The following ARHGAP15 variants were observed in gnomAD, a reference collection of about 807,000 sequenced individuals.
ARHGAP15 encodes Rho GTPase activating protein 15.
ARHGAP15 carries 51 observed loss-of-function variants against 63.7 expected under a neutral mutation model. That is an observed-to-expected ratio of 0.80 (90% confidence interval 0.64 to 1.01). The LOEUF (loss-of-function observed/expected upper bound fraction) is 1.01. Among genes scored for constraint, ARHGAP15 ranks in the 50% least tolerant of loss-of-function variants. The pLI, the probability that ARHGAP15 is intolerant of heterozygous loss-of-function variation, is 0.00. For missense variants in ARHGAP15, 560 were observed against 564.6 expected, an observed-to-expected ratio of 0.99 and a Z score of 0.08; for synonymous variants, 191 against 193.8, an observed-to-expected ratio of 0.99 and a Z score of 0.12.
At chr2:143,321,843 C>A (rs1247356363) in intron 6 of ARHGAP15, among the ~76,000 whole-genome samples, 2 of 152,174 alleles carry the variant, frequency 1.3e-5, no homozygotes, top group African/African-American at 4.8e-5. Context: ...CCACCGGGTA[C>A]ACACCCTGCT....
chr2:143,323,059 G>C (rs1684094828), intron 6 of ARHGAP15, among the ~76,000 whole-genome samples: 1 of 152,112 alleles, frequency 6.6e-6, no homozygotes, highest in Non-Finnish European at 1.5e-5. Context: ...GTTTGCCTAG[G>C]ACTCTCTTGG....
chr2:143,720,513 C>G (rs192749551), intron 13 of ARHGAP15, among the ~76,000 whole-genome samples: 5 of 152,168 alleles, frequency 3.3e-5, no homozygotes, highest in African/African-American at 7.2e-5. Flanking sequence ...AAAAGACTGC[C>G]CTCTATCGAC....
chr2:143,676,655 A>G (rs1682839876), intron 12 of ARHGAP15: 1 of 152,218 alleles, frequency 6.6e-6, no homozygotes. Flanking sequence ...TAAGTTTGCT[A>G]TCTCATATGG....
intron 6 of ARHGAP15, among the ~76,000 whole-genome samples, chr2:143,374,773 G>T (rs1479345023): frequency 6.6e-6 from 1 of 152,166 alleles, no homozygotes; most frequent in Non-Finnish European, 1.5e-5. Context: ...AAAGTTCTGG[G>T]ATTACAGGCA....
chr2:143,176,713 T>A (rs1016320103), intron 2 of ARHGAP15, among the ~76,000 whole-genome samples: 6 of 152,224 alleles, frequency 3.9e-5, no homozygotes, highest in African/African-American at 1.4e-4. Context: ...CATCCCCAAC[T>A]GTGTATTTAA....
chr2:143,383,187 A>C (rs1687129863), intron 6 of ARHGAP15, among the ~76,000 whole-genome samples: 1 of 152,204 alleles, frequency 6.6e-6, no homozygotes, highest in Non-Finnish European at 1.5e-5. Context: ...AAAACACATT[A>C]GAAATGACAT....
At chr2:143,222,066 T>C (rs1376530405) in intron 4 of ARHGAP15, among the ~76,000 whole-genome samples, 1 of 152,238 alleles carries the variant, frequency 6.6e-6, no homozygotes, top group Non-Finnish European at 1.5e-5. Context: ...CTTTCTTCAT[T>C]TTCTTGCAAT....
intron 13 of ARHGAP15, among the ~76,000 whole-genome samples, chr2:143,744,202 G>A (rs1261562691): frequency 6.6e-6 from 1 of 152,204 alleles, no homozygotes; most frequent in Admixed American, 6.5e-5. Context: ...TCAACACATG[G>A]GTGGCAAGGA....
chr2:143,190,039 T>C (rs2105088355), intron 2 of ARHGAP15, among the ~76,000 whole-genome samples: 1 of 152,294 alleles, frequency 6.6e-6, no homozygotes, highest in African/African-American at 2.4e-5. Context: ...TCTTATTTCA[T>C]TTCACAATTT....
rs1362315937 is a variant in ARHGAP15, at chr2:143,673,756, G to GTATA, written c.1139-29662_1139-29661insATAT. Among the ~76,000 whole-genome samples, 26 of 30,974 alleles carry GTATA rather than the reference G, an allele frequency of 8.4e-4. 1 individual carries two copies. The highest frequency in any genetic ancestry group is 3.0e-3 in the Admixed American group (5 of 1,686). 20.3% of individuals were successfully genotyped at this position (30,974 alleles called of 152,430 possible). A position where few individuals can be genotyped will look rare whatever the true frequency, so the allele number is the denominator to read the frequency against. The stretch of plus-strand genomic sequence containing the variant: ...TGTGTGTGTGTGTGTGTGTGTGTGT[G>GTATA]TGTATATATATATATATATATATAT... On this transcript the variant is annotated intron_variant, in intron 12 of 13. Transcript: ENST00000295095.
At chr2:143,723,945 C>A (rs1465509767) in intron 13 of ARHGAP15, among the ~76,000 whole-genome samples, 1 of 152,108 alleles carries the variant, frequency 6.6e-6, no homozygotes, top group Non-Finnish European at 1.5e-5. Context: ...GGCTCCAGCC[C>A]CAGCTTCAGT....
At chr2:143,459,863 TA>T (rs1270060247) in intron 8 of ARHGAP15, among the ~76,000 whole-genome samples, 1 of 152,136 alleles carries the variant, frequency 6.6e-6, no homozygotes, top group African/African-American at 2.4e-5. Flanking sequence ...TGTGGAAGCA[TA>T]ATTCTAAGTA....
In ARHGAP15 at chr2:143,266,625, A is replaced by G. The variant is rs560597071; in HGVS notation, c.474+16025A>G. ...TGAAACATTTCTGAGATAATTTTCT[A>G]TTTTAATGACTCCAATCTGATTTAG... On this transcript the variant is annotated intron_variant, in intron 6 of 13. Transcript: ENST00000295095. Among the ~76,000 whole-genome samples the G allele has an allele frequency of 1.2e-4, 19 of 152,310 alleles. 1 individual carries two copies. In the South Asian group the frequency reaches 1.9e-3, roughly 15 times the overall value.
chr2:143,228,309 A>C (rs931790990), intron 4 of ARHGAP15, among the ~76,000 whole-genome samples: 1 of 152,160 alleles, frequency 6.6e-6, no homozygotes, highest in African/African-American at 2.4e-5. Flanking sequence ...GATACACAAA[A>C]AATGGATTTT....
chr2:143,547,337 T>C (rs1055103770), intron 10 of ARHGAP15, among the ~76,000 whole-genome samples: 2 of 152,176 alleles, frequency 1.3e-5, no homozygotes, highest in Non-Finnish European at 2.9e-5. Flanking sequence ...TTAGCCACAC[T>C]GGAACTTTTT....
At chr2:143,577,542 C>G (rs896145246) in intron 11 of ARHGAP15, among the ~76,000 whole-genome samples, 3 of 152,200 alleles carry the variant, frequency 2.0e-5, no homozygotes, top group South Asian at 2.1e-4. Context: ...TAACCTCTCT[C>G]GGTCTCTCAG....
intron 12 of ARHGAP15, among the ~76,000 whole-genome samples, chr2:143,663,235 G>A (rs1241495099): frequency 4.1e-5 from 6 of 145,844 alleles, no homozygotes; most frequent in South Asian, 2.3e-4. Context: ...AACCCTACAA[G>A]CCAGAAGAGA....
chr2:143,504,243 C>A (rs1001658568), intron 9 of ARHGAP15, among the ~76,000 whole-genome samples: 17 of 152,142 alleles, frequency 1.1e-4, no homozygotes, highest in African/African-American at 4.1e-4. Context: ...TTTTGTTATT[C>A]ATTTAATATT....
At position 143,765,109 on chromosome 2, in the gene ARHGAP15, ATGTGTG is replaced by A. The variant is rs60894627; in HGVS notation, c.1245-2847_1245-2842del. 1.7e-3 allele frequency among the ~76,000 whole-genome samples: 245 copies of A among 147,616 alleles called. 2 individuals are homozygous for A. The highest frequency in any genetic ancestry group is 3.6e-3 in the African/African-American group (144 of 39,680). On this transcript the variant is annotated intron_variant, in intron 13 of 13. Coordinates refer to ENST00000295095, the MANE Select transcript of ARHGAP15 (RefSeq NM_018460.4). ...CTATCTCCATATTTGCCTCTAAAAT[ATGTGTG>A]TGTGTGTGTGTGTGTGTGTGTGTGT...
Sources: gnomAD v4.1 joint callset for allele counts (sites outside exome capture counted in the v4.1 genomes callset) on GRCh38, gnomAD v4.1.1 for gene constraint, MANE v1.5 for transcripts, NCBI Gene and HGNC (gene_info 2026-07-23, HGNC 2026-07-21) for gene names.